Variants in STK33 observed in about 807,000 individuals in gnomAD.
STK33 encodes the protein serine/threonine-protein kinase 33.
STK33 carries 52 observed loss-of-function variants against 58.0 expected under a neutral mutation model. The ratio of observed to expected loss-of-function variants is 0.90; its 90% CI spans 0.72 to 1.13. STK33 has a LOEUF of 1.13. Ranked by LOEUF, STK33 falls within the 50% of genes most tolerant of loss-of-function variation. The probability of loss-of-function intolerance (pLI) is 0.00; values close to 1 mark genes in which losing one functional copy is unlikely to be tolerated. For synonymous variants in STK33, 215 were observed against 200.1 expected (o/e 1.07, Z -0.63); for missense variants, 630 against 604.2 (o/e 1.04, Z -0.45).
chr11:8,589,838 A>G (rs906516030), intron 1 of STK33, among the ~76,000 whole-genome samples: 3 of 152,240 alleles, frequency 2.0e-5, no homozygotes, highest in African/African-American at 7.2e-5. Flanking sequence ...CCATAAACTG[A>G]AAACCAAAAT....
chr11:8,420,245 G>A (rs1036689675), intron 14 of STK33, among the ~76,000 whole-genome samples: 3 of 152,170 alleles, frequency 2.0e-5, no homozygotes, highest in Admixed American at 6.5e-5. Flanking sequence ...AAGTGTTTCA[G>A]AGTCCAAGGC....
intron 1 of STK33, among the ~76,000 whole-genome samples, chr11:8,560,956 A>G (rs1401771326): frequency 6.6e-6 from 1 of 152,222 alleles, no homozygotes; most frequent in African/African-American, 2.4e-5. Flanking sequence ...CTCCACGAAG[A>G]TAAATGGGAG....
chr11:8,382,705 C>G, the STK33 span, among the ~76,000 whole-genome samples: 1 of 152,192 alleles, frequency 6.6e-6, no homozygotes, highest in Non-Finnish European at 1.5e-5. Context: ...CCCACCGCCA[C>G]CCCAGCAGGA....
intron 15 of STK33, among the ~76,000 whole-genome samples, chr11:8,393,090 A>G (rs1833822728): frequency 1.3e-5 from 2 of 152,210 alleles, no homozygotes; most frequent in African/African-American, 2.4e-5. Flanking sequence ...AGTACAATAT[A>G]ATTATTCTTT....
the STK33 span, among the ~76,000 whole-genome samples, chr11:8,340,309 A>G: frequency 6.6e-6 from 1 of 152,120 alleles, no homozygotes; most frequent in African/African-American, 2.4e-5. Context: ...GGTGATCTCT[A>G]AGGTCCTTGG....
chr11:8,418,153 C>G (rs903641337), intron 14 of STK33, among the ~76,000 whole-genome samples: 1 of 151,622 alleles, frequency 6.6e-6, no homozygotes, highest in African/African-American at 2.4e-5. Flanking sequence ...TATAGGTAAA[C>G]TCGTGTCACA....
At chr11:8,349,225 G>C in the STK33 span, among the ~76,000 whole-genome samples, 1 of 152,184 alleles carries the variant, frequency 6.6e-6, no homozygotes, top group Non-Finnish European at 1.5e-5. Flanking sequence ...TTTCTCTTAG[G>C]ACTGTTGTAT....
intron 15 of STK33, among the ~76,000 whole-genome samples, chr11:8,410,693 G>A (rs947464281): frequency 6.6e-6 from 1 of 151,964 alleles, no homozygotes; most frequent in Non-Finnish European, 1.5e-5. Context: ...GGCTGGTGTT[G>A]AACTCCTGAC....
chr11:8,436,656 T>A (rs915777539), intron 12 of STK33, among the ~76,000 whole-genome samples: 11 of 152,204 alleles, frequency 7.2e-5, no homozygotes, highest in African/African-American at 2.4e-4. Context: ...ACTGTACAAA[T>A]GTTAGTAATA....
chr11:8,521,422 T>C (rs545133983), intron 1 of STK33, among the ~76,000 whole-genome samples: 24 of 152,328 alleles, frequency 1.6e-4, no homozygotes, highest in African/African-American at 5.8e-4. Context: ...TGGTCAGCCA[T>C]ATGTAGAAAG....
At chr11:8,567,324 C>T (rs1190553418) in intron 1 of STK33, 1 of 152,038 alleles carries the variant, frequency 6.6e-6, no homozygotes, top group Non-Finnish European at 1.5e-5. Flanking sequence ...TATTACCTAC[C>T]ACATGGGGTT....
chr11:8,577,206 A>G (rs1032480058), intron 1 of STK33, among the ~76,000 whole-genome samples: 14 of 152,180 alleles, frequency 9.2e-5, no homozygotes, highest in Admixed American at 2.6e-4. Flanking sequence ...AACACAATAC[A>G]AATAAGCTAA....
chr11:8,373,666 G>A, the STK33 span, among the ~76,000 whole-genome samples: 3 of 152,180 alleles, frequency 2.0e-5, no homozygotes, highest in Non-Finnish European at 2.9e-5. Context: ...CACTGCCACC[G>A]TGATGGACCC....
chr11:8,414,930 A>G (rs1940897444), intron 14 of STK33, among the ~76,000 whole-genome samples: 1 of 152,108 alleles, frequency 6.6e-6, no homozygotes, highest in Non-Finnish European at 1.5e-5. Flanking sequence ...ATTCCCAACT[A>G]TGTAGTCAAC....
intron 1 of STK33, among the ~76,000 whole-genome samples, chr11:8,482,711 A>G (rs1949906793): frequency 6.6e-6 from 1 of 151,730 alleles, no homozygotes. Context: ...TATCTTTTTT[A>G]TTTTTATTTT....
At chr11:8,380,334 T>C in the STK33 span, among the ~76,000 whole-genome samples, 1 of 151,880 alleles carries the variant, frequency 6.6e-6, no homozygotes, top group Non-Finnish European at 1.5e-5. Context: ...CCGAGATGGG[T>C]GGATTGCTTG....
chr11:8,475,120 C>A (rs1949146994), intron 4 of STK33, 54 bp from the exon 5 acceptor site: 9 of 432,780 alleles, frequency 2.1e-5, no homozygotes, highest in African/African-American at 1.6e-4. Flanking sequence ...TATTACCATC[C>A]TGGAAATCAG....
chr11:8,473,091 C>A, intron 6 of STK33, 72 bp downstream of exon 6: 2 of 882,916 alleles, frequency 2.3e-6, no homozygotes, highest in South Asian at 3.7e-5. Flanking sequence ...ATTTTTCAAT[C>A]ATTTTTCCTA....
chr11:8,334,951 T>C, the STK33 span, among the ~76,000 whole-genome samples: 1 of 152,150 alleles, frequency 6.6e-6, no homozygotes, highest in Non-Finnish European at 1.5e-5. Flanking sequence ...TCCAGCCAAG[T>C]GGGAGACACA....
Sources: allele counts gnomAD v4.1 joint callset (sites outside exome capture counted in the v4.1 genomes callset), GRCh38; gene constraint gnomAD v4.1.1; transcripts MANE v1.5; gene names NCBI Gene and HGNC (gene_info 2026-07-23, HGNC 2026-07-21).